The following DGKI variants were observed in gnomAD, a reference collection of about 807,000 sequenced individuals.
The protein encoded by DGKI is diacylglycerol kinase iota.
DGKI carries 55 observed loss-of-function variants against 147.5 expected under a neutral mutation model. The observed-to-expected ratio is 0.37, with a 90% confidence interval of 0.30 to 0.47. The LOEUF (loss-of-function observed/expected upper bound fraction) is 0.47. DGKI is among the 20% of genes least tolerant of loss of function. The pLI, the probability that DGKI is intolerant of heterozygous loss-of-function variation, is 1.00. For missense variants in DGKI, 1,007 were observed against 1,323.8 expected, an observed-to-expected ratio of 0.76 and a Z score of 3.71; for synonymous variants, 469 against 477.1, an observed-to-expected ratio of 0.98 and a Z score of 0.22.
intron 1 of DGKI, among the ~76,000 whole-genome samples, chr7:137,709,795 T>A (rs1794161781): frequency 6.6e-6 from 1 of 151,902 alleles, no homozygotes; most frequent in Admixed American, 6.6e-5. Flanking sequence ...ATAAATAGAA[T>A]ATAAAATAAT....
intron 19 of DGKI, among the ~76,000 whole-genome samples, chr7:137,565,137 A>G (rs1646402): frequency 0.051 from 7,845 of 152,344 alleles, 517 homozygotes; most frequent in African/African-American, 0.13. Flanking sequence ...TATGTTAATT[A>G]CAGGATTATC....
chr7:137,618,510 A>G (rs1820629687), intron 8 of DGKI, among the ~76,000 whole-genome samples: 1 of 151,338 alleles, frequency 6.6e-6, no homozygotes, highest in Admixed American at 6.6e-5. Context: ...AGTAAGGATC[A>G]CGTATTTTAT....
At chr7:137,410,005 G>T (rs570770185) in intron 29 of DGKI, among the ~76,000 whole-genome samples, 2 of 152,072 alleles carry the variant, frequency 1.3e-5, no homozygotes, top group Admixed American at 1.3e-4. Flanking sequence ...AAAAGATATT[G>T]GAGAAGAGGA....
At chr7:137,670,353 GA>G (rs142571288) in intron 3 of DGKI, among the ~76,000 whole-genome samples, 6,254 of 152,180 alleles carry the variant, frequency 0.041, 376 homozygotes, top group African/African-American at 0.13. Context: ...TTAATATACA[GA>G]CAGCACTTGG....
At chr7:137,392,534 C>T (rs879806301) in intron 32 of DGKI, among the ~76,000 whole-genome samples, 3 of 152,154 alleles carry the variant, frequency 2.0e-5, no homozygotes, top group African/African-American at 4.8e-5. Flanking sequence ...CAGATACTGG[C>T]GACCTCAATC....
intron 20 of DGKI, among the ~76,000 whole-genome samples, chr7:137,526,464 T>C (rs1246806030): frequency 1.3e-5 from 2 of 151,742 alleles, no homozygotes; most frequent in Admixed American, 1.3e-4. Context: ...GAGATCCTTA[T>C]GCAGAATGGA....
chr7:137,710,347 G>A (rs1175468853), intron 1 of DGKI, among the ~76,000 whole-genome samples: 1 of 152,120 alleles, frequency 6.6e-6, no homozygotes, highest in African/African-American at 2.4e-5. Context: ...AGATTTGGAA[G>A]TAGGGAAGGC....
intron 1 of DGKI, chr7:137,775,101 G>A (rs1427177394): frequency 6.6e-6 from 1 of 151,468 alleles, no homozygotes; most frequent in Non-Finnish European, 1.5e-5. Flanking sequence ...ACAGGCAGAA[G>A]TTCTGACTCA....
rs780646721 is a variant in DGKI, at chr7:137,846,702, T to A, written c.161A>T (p.Asn54Ile). 3 of 1,041,264 alleles carry A rather than the reference T, an allele frequency of 2.9e-6. No homozygotes were observed. The South Asian group carries it at 1.1e-4, about 37-fold the overall frequency. The allele number at this position is 1,041,264 out of a possible 1,614,324, so 64.5% of individuals were successfully genotyped here. Residue 54 changes from asparagine to isoleucine, a missense_variant, in exon 1 of 33, where the codon AAC (asparagine) becomes ATC (isoleucine). Transcript: ENST00000614521. The surrounding 1 kb of genome is among the most constrained non-coding windows in gnomAD (Gnocchi z 4.0). ...CTCCTCTCCCGCCGAGGAGCTGGGGTTCATGGCGCCCGCTCCGGCGGCCGC... is the reference window on the plus strand; with the variant it reads ...CTCCTCTCCCGCCGAGGAGCTGGGGATCATGGCGCCCGCTCCGGCGGCCGC... ...PSAAAGAGAM[N>I]PSSSAGEEKG... is the part of the protein sequence containing the mutation.
At chr7:137,823,142 AAT>A (rs1275098162) in intron 1 of DGKI, among the ~76,000 whole-genome samples, 1 of 152,156 alleles carries the variant, frequency 6.6e-6, no homozygotes, top group Non-Finnish European at 1.5e-5. Flanking sequence ...AAAACCCATG[AAT>A]ATATGTACCT....
intron 24 of DGKI, 85 bp from the exon 25 acceptor site, chr7:137,467,027 C>T: frequency 7.5e-7 from 1 of 1,332,160 alleles, no homozygotes. Flanking sequence ...CTATGCTGGT[C>T]AAAACCCCTA....
chr7:137,699,610 G>C (rs921522909), intron 1 of DGKI, among the ~76,000 whole-genome samples: 2 of 152,178 alleles, frequency 1.3e-5, no homozygotes, highest in African/African-American at 2.4e-5. Context: ...TTTAGGAAAA[G>C]CATTAGCCTG....
chr7:137,466,182 C>T (rs1814651135), intron 25 of DGKI, 147 bp from the exon 26 acceptor site: 2 of 935,848 alleles, frequency 2.1e-6, no homozygotes, highest in Non-Finnish European at 3.2e-6. Flanking sequence ...CAAAGCTGCG[C>T]TAACGCAGAC....
chr7:137,624,229 T>C (rs1328176735), intron 6 of DGKI, among the ~76,000 whole-genome samples: 1 of 152,232 alleles, frequency 6.6e-6, no homozygotes, highest in Non-Finnish European at 1.5e-5. Context: ...GCTGCTGCTG[T>C]CCCTAAATAA....
In DGKI at chr7:137,645,548, A is replaced by G; in HGVS notation, c.739-11T>C. Reference sequence around the variant, plus strand: ...ATGACGTACAAAATTCTGTGGGAAAACAAAATTAAATGAATATTTTTAAAA... The same window carrying G: ...ATGACGTACAAAATTCTGTGGGAAAGCAAAATTAAATGAATATTTTTAAAA... On this transcript the variant is annotated splice_polypyrimidine_tract_variant and intron_variant, in intron 5 of 32. Coordinates refer to ENST00000614521, the MANE Select transcript of DGKI (RefSeq NM_001321708.2). 1 of 1,610,722 alleles carries G rather than the reference A, an allele frequency of 6.2e-7. No homozygotes were observed. Among genetic ancestry groups the G allele is most frequent in the African/African-American group, 1.3e-5 (1 of 74,936 alleles).
At chr7:137,564,167 G>A (rs1723090) in intron 19 of DGKI, among the ~76,000 whole-genome samples, 16,655 of 152,110 alleles carry the variant, frequency 0.11, 2,050 homozygotes, top group African/African-American at 0.3. Flanking sequence ...GCTGGAAAAA[G>A]CTGGATAAAT....
intron 3 of DGKI, among the ~76,000 whole-genome samples, chr7:137,669,698 G>C (rs528979142): frequency 6.6e-6 from 1 of 152,226 alleles, no homozygotes; most frequent in African/African-American, 2.4e-5. Flanking sequence ...ATGCATTTTG[G>C]CTTAATGAAA....
chr7:137,406,930 C>CAATAA (rs1554397684), intron 30 of DGKI, among the ~76,000 whole-genome samples: 2 of 92,556 alleles, frequency 2.2e-5, no homozygotes, highest in East Asian at 6.9e-4. Context: ...TGCTGAATTG[C>CAATAA]AAAAAAAAAA....
At chr7:137,672,393 A>G (rs1156884142) in intron 3 of DGKI, among the ~76,000 whole-genome samples, 1 of 152,210 alleles carries the variant, frequency 6.6e-6, no homozygotes, top group East Asian at 1.9e-4. Context: ...GGTTGTTGTT[A>G]TGGATCAGAG....
Sources: gnomAD v4.1 joint callset for allele counts (sites outside exome capture counted in the v4.1 genomes callset) on GRCh38, gnomAD v4.1.1 for gene constraint, Gnocchi (gnomAD v3.1) non-coding constraint, MANE v1.5 for transcripts, NCBI Gene and HGNC (gene_info 2026-07-23, HGNC 2026-07-21) for gene names.